Variants in KCNAB2 observed in about 807,000 individuals in gnomAD.
KCNAB2 encodes potassium voltage-gated channel subfamily A regulatory beta subunit 2.
KCNAB2 carries 29 observed loss-of-function variants against 63.6 expected under a neutral mutation model. The observed-to-expected ratio is 0.46, with a 90% confidence interval of 0.34 to 0.62. KCNAB2 has a LOEUF of 0.62. Ranked by LOEUF, KCNAB2 falls within the 20% of genes least tolerant of loss-of-function variation. KCNAB2 has a pLI of 0.01. For synonymous variants in KCNAB2, 222 were observed against 224.2 expected, an observed-to-expected ratio of 0.99 and a Z score of 0.09; for missense variants, 359 against 563.9, an observed-to-expected ratio of 0.64 and a Z score of 3.68.
rs1445153836 is a variant in KCNAB2 at position 6,087,075 on chromosome 1, G to A, written c.426-392G>A. ...CGCCCCTGCCCCCTGGCCCACACCC[G>A]GCCTCCTCCAGCCTTGGCTCTTGCC... On this transcript the variant is annotated intron_variant, in intron 6 of 15. Coordinates refer to ENST00000378083, the MANE Select transcript of KCNAB2 (RefSeq NM_001199862.2). The surrounding 1 kb of genome is among the most constrained non-coding windows in gnomAD (Gnocchi z 6.4). 3.4e-5 allele frequency among the ~76,000 whole-genome samples: 5 copies of A among 146,444 alleles called. No individual in the cohort carries two copies. The highest frequency in any genetic ancestry group is 5.1e-5 in the African/African-American group (2 of 39,192).
At chr1:6,025,840 AGCACACAGCCGATCCCG>A (rs1241390762) in intron 1 of KCNAB2, among the ~76,000 whole-genome samples, 7 of 142,988 alleles carry the variant, frequency 4.9e-5, no homozygotes, top group South Asian at 2.3e-4. Context: ...AGCCCACCCC[AGCACACAGCCGATCCCG>A]GCACACAGCC....
chr1:6,050,345 C>T (rs1004730271), intron 1 of KCNAB2, among the ~76,000 whole-genome samples: 1 of 152,170 alleles, frequency 6.6e-6, no homozygotes, highest in Non-Finnish European at 1.5e-5. Context: ...TGGGCCATGG[C>T]CGAGGCTGCA....
chr1:6,090,478 A>G lies in KCNAB2; in HGVS notation c.601+3A>G, dbSNP rs374581421. 335 of 1,611,954 alleles carry G rather than the reference A, an allele frequency of 2.1e-4. No individual in the cohort carries two copies. Among genetic ancestry groups the G allele is most frequent in the Non-Finnish European group, 2.6e-4 (309 of 1,178,712 alleles). ...GGACCCCAACACCCCGATGGAAGGT[A>G]GGTGGTCTGCGGCGGCGCCACCGGT... On this transcript the variant is annotated splice_donor_region_variant and intron_variant, in intron 9 of 15. Coordinates refer to ENST00000378083, the MANE Select transcript of KCNAB2 (RefSeq NM_001199862.2).
rs1361111502 is a variant in KCNAB2 at position 6,074,382 on chromosome 1, C to T, written c.300+612C>T. 1.3e-5 allele frequency among the ~76,000 whole-genome samples: 2 copies of T among 152,310 alleles called. No individual in the cohort carries two copies. Among genetic ancestry groups the T allele is most frequent in the Middle Eastern group, 3.4e-3 (1 of 294 alleles). ...ATGCCGCCAGCGCCTCTGGGTCTCT[C>T]GGAAGGACAGGGACGGCACACGCCC... is the stretch of plus-strand genomic sequence containing the variant. On this transcript the variant is annotated intron_variant, in intron 4 of 15. Coordinates refer to ENST00000378083, the MANE Select transcript of KCNAB2 (RefSeq NM_001199862.2). The surrounding 1 kb of genome is among the most constrained non-coding windows in gnomAD (Gnocchi z 4.9).
At chr1:6,021,764 A>C (rs1032820803) in intron 1 of KCNAB2, among the ~76,000 whole-genome samples, 2 of 150,728 alleles carry the variant, frequency 1.3e-5, no homozygotes, top group Admixed American at 1.3e-4. Flanking sequence ...TGTACAGTTC[A>C]ATGGTATTGA....
At chr1:5,998,983 G>C (rs137926813) in intron 1 of KCNAB2, among the ~76,000 whole-genome samples, 1 of 152,358 alleles carries the variant, frequency 6.6e-6, no homozygotes, top group East Asian at 1.9e-4. Context: ...GAGGGCACAG[G>C]GTGGCTCCGG....
At chr1:6,095,197 A>C in intron 11 of KCNAB2, 126 bp from the exon 12 acceptor site, 1 of 976,174 alleles carries the variant, frequency 1.0e-6, no homozygotes, top group Non-Finnish European at 1.5e-6. Flanking sequence ...AGCAGTGGGG[A>C]GCCCGGGCTG....
intron 1 of KCNAB2, among the ~76,000 whole-genome samples, chr1:5,993,557 G>T (rs1208411121): frequency 6.6e-6 from 1 of 152,178 alleles, no homozygotes; most frequent in Non-Finnish European, 1.5e-5. Context: ...CTGCTGCACC[G>T]CGTCCTGCGG....
In KCNAB2 at chr1:6,078,086, G is replaced by A. The variant is rs1663838661; in HGVS notation, c.301-4109G>A. Reference sequence around the variant, plus strand: ...CCGGCCTAAGTCCAGGAGTCAGCCGGGCCGGGCTCCCTTCTCCAGGCCAGG... The same window carrying A: ...CCGGCCTAAGTCCAGGAGTCAGCCGAGCCGGGCTCCCTTCTCCAGGCCAGG... On this transcript the variant is annotated intron_variant, in intron 4 of 15. Coordinates refer to ENST00000378083, the MANE Select transcript of KCNAB2 (RefSeq NM_001199862.2). This position sits in a 1 kb window ranked among gnomAD's most constrained non-coding sequence, Gnocchi z 4.2. 6.6e-6 allele frequency among the ~76,000 whole-genome samples: 1 copy of A among 150,558 alleles called. No homozygotes were observed. The highest frequency in any genetic ancestry group is 1.5e-5 in the Non-Finnish European group (1 of 67,820).
intron 1 of KCNAB2, among the ~76,000 whole-genome samples, chr1:6,005,100 A>G (rs376881470): frequency 0.048 from 12 of 252 alleles, 3 homozygotes; most frequent in African/African-American, 0.13. Context: ...GGGTGAGGGT[A>G]GAGTGGGGGG....
In KCNAB2 at chr1:6,078,837, G is replaced by GA. The variant is rs1393944889; in HGVS notation, c.301-3357dup. ...GTGGCAGGGCTGTCGTGGAGCCTGG[G>GA]AGGCCGCATTTCTGATCTCATGCTG... On this transcript the variant is annotated intron_variant, in intron 4 of 15. Transcript: ENST00000378083. The surrounding 1 kb of genome is among the most constrained non-coding windows in gnomAD (Gnocchi z 4.2). Among the ~76,000 whole-genome samples the GA allele has an allele frequency of 6.6e-6, 1 of 152,202 alleles. No individual in the cohort carries two copies. Among genetic ancestry groups the GA allele is most frequent in the Non-Finnish European group, 1.5e-5 (1 of 68,032 alleles).
intron 1 of KCNAB2, among the ~76,000 whole-genome samples, chr1:6,017,359 C>T (rs1658565942): frequency 6.6e-6 from 1 of 152,044 alleles, no homozygotes; most frequent in African/African-American, 2.4e-5. Context: ...CCTCCCATCT[C>T]GGCCTCCCAG....
At chr1:6,047,251 G>T (rs1301763483) in intron 1 of KCNAB2, among the ~76,000 whole-genome samples, 1 of 152,166 alleles carries the variant, frequency 6.6e-6, no homozygotes. Flanking sequence ...CGGCAGTGGG[G>T]CCACTCTCTC....
chr1:5,999,901 G>T (rs146270610), intron 1 of KCNAB2, among the ~76,000 whole-genome samples: 1 of 150,148 alleles, frequency 6.7e-6, no homozygotes, highest in Non-Finnish European at 1.5e-5. Flanking sequence ...TGTCTGTGTC[G>T]TCTGTGCCCT....
chr1:6,095,457 G>A lies in KCNAB2; in HGVS notation c.853+14G>A, dbSNP rs777934088. On this transcript the variant is annotated intron_variant, in intron 12 of 15. Coordinates refer to ENST00000378083, the MANE Select transcript of KCNAB2 (RefSeq NM_001199862.2). The stretch of plus-strand genomic sequence containing the variant: ...TCCACAAGATAGGTGGGCACCCTCG[G>A]GCCCCTCGCCCCGCCCCACCCCACC... The A allele has an allele frequency of 7.5e-5, 121 of 1,612,458 alleles. No individual in the cohort carries two copies. In the East Asian group the frequency reaches 2.7e-3, roughly 35 times the overall value.
At chr1:6,063,436 G>A (rs1483614941) in intron 2 of KCNAB2, among the ~76,000 whole-genome samples, 3 of 146,034 alleles carry the variant, frequency 2.1e-5, no homozygotes, top group Non-Finnish European at 4.5e-5. Flanking sequence ...TTGAGACAGA[G>A]TCTTGCCCTG....
chr1:6,043,943 G>A (rs1384847643), upstream of KCNAB2, among the ~76,000 whole-genome samples: 4 of 152,184 alleles, frequency 2.6e-5, no homozygotes, highest in South Asian at 2.1e-4. Context: ...GGCTGGGTTT[G>A]TCTCCAAGCT....
intron 2 of KCNAB2, among the ~76,000 whole-genome samples, 184 bp downstream of exon 2, chr1:6,051,938 C>T (rs1661432219): frequency 6.6e-6 from 1 of 151,898 alleles, no homozygotes; most frequent in Admixed American, 6.6e-5. Context: ...ACACCACCTA[C>T]TAAAAATACA....
chr1:6,063,919 TGTG>T (rs371020988), intron 2 of KCNAB2, among the ~76,000 whole-genome samples: 10 of 152,312 alleles, frequency 6.6e-5, no homozygotes, highest in African/African-American at 1.7e-4. Context: ...TGCCTGGTCA[TGTG>T]GTGAGGCCGA....
Sources: allele counts gnomAD v4.1 joint callset (sites outside exome capture counted in the v4.1 genomes callset), GRCh38; gene constraint gnomAD v4.1.1; non-coding constraint Gnocchi (gnomAD v3.1); transcripts MANE v1.5; gene names NCBI Gene and HGNC (gene_info 2026-07-23, HGNC 2026-07-21).